Variants in RRP12 observed in about 807,000 individuals in gnomAD.
RRP12 encodes ribosomal RNA processing 12 homolog.
In RRP12, 78 loss-of-function variants were observed where a neutral mutation model predicts 157.3. The observed-to-expected ratio is 0.50, with a 90% confidence interval of 0.41 to 0.60. The LOEUF is 0.60. Ranked by LOEUF, RRP12 falls within the 20% of genes least tolerant of loss-of-function variation. The pLI is 0.00. For synonymous variants in RRP12, 726 were observed against 670.9 expected, an observed-to-expected ratio of 1.08 and a Z score of -1.27; for missense variants, 1,521 against 1,679.9, an observed-to-expected ratio of 0.91 and a Z score of 1.65.
At chr10:97,359,275 C>T (rs1484014385) in intron 31 of RRP12, among the ~76,000 whole-genome samples, 1 of 152,230 alleles carries the variant, frequency 6.6e-6, no homozygotes, top group East Asian at 1.9e-4. Flanking sequence ...ATATTCTCCG[C>T]TAACACACTA....
intron 10 of RRP12, among the ~76,000 whole-genome samples, chr10:97,382,670 A>G (rs1255316759): frequency 1.3e-5 from 2 of 152,100 alleles, no homozygotes; most frequent in African/African-American, 4.8e-5. Flanking sequence ...AGAAACAATC[A>G]CATCATACCT....
In RRP12 at chr10:97,370,238, C is replaced by A; in HGVS notation, c.2726G>T (p.Gly909Val). Residue 909 changes from glycine (G) to valine (V), a missense_variant, in exon 24 of 34, where the codon GGC (glycine) becomes GTC (valine). Transcript: ENST00000370992. ...GACCATGGTCACCGCGCCCACCAGG[C>A]CAGGGTAGATCAGGACGAGGTAGCA... ...LQCYLVLIYP[G>V]LVGAVTMVSC... is the part of the protein sequence containing the mutation. 6.2e-7 allele frequency: 1 copy of A among 1,604,488 alleles called. No individual in the cohort carries two copies. The highest frequency in any genetic ancestry group is 8.5e-7 in the Non-Finnish European group (1 of 1,176,114).
intron 10 of RRP12, 103 bp from the exon 11 acceptor site, chr10:97,381,929 C>T (rs1844479691): frequency 2.6e-6 from 2 of 766,074 alleles, no homozygotes; most frequent in Admixed American, 2.8e-5. Flanking sequence ...CAGTCACAAA[C>T]CCAGTGATCT....
chr10:97,384,160 C>CATGACGG (rs1844548536), intron 10 of RRP12, among the ~76,000 whole-genome samples: 1 of 150,974 alleles, frequency 6.6e-6, no homozygotes, highest in Admixed American at 6.6e-5. Context: ...CCTCAGCAGC[C>CATGACGG]AGGCCAGAGG....
chr10:97,400,292 C>A lies in RRP12; in HGVS notation c.369+13G>T, dbSNP rs754418283. On this transcript the variant is annotated intron_variant, in intron 2 of 33. Coordinates refer to ENST00000370992, the MANE Select transcript of RRP12 (RefSeq NM_015179.4). ...CCTCACTATCCTATGGCCCTCCCGA[C>A]CCTCGCCCCTACCTCCTTGTGGGCA... 5 of 1,607,810 alleles carry A rather than the reference C, an allele frequency of 3.1e-6. No homozygotes were observed. Among genetic ancestry groups the A allele is most frequent in the Non-Finnish European group, 4.3e-6 (5 of 1,174,448 alleles).
At chr10:97,390,968 A>C in intron 4 of RRP12, 124 bp from the exon 5 acceptor site, 1 of 707,472 alleles carries the variant, frequency 1.4e-6, no homozygotes, top group South Asian at 1.5e-5. Flanking sequence ...GAAAGTGAGC[A>C]ACAAAGTCAG....
At chr10:97,369,275 G>T in intron 25 of RRP12, 150 bp downstream of exon 25, 1 of 770,550 alleles carries the variant, frequency 1.3e-6, no homozygotes, top group Non-Finnish European at 2.0e-6. Flanking sequence ...CACCTGACAG[G>T]CATTCCCCTA....
chr10:97,369,073 G>A lies in RRP12; in HGVS notation c.2955+352C>T, dbSNP rs188138992. Among the ~76,000 whole-genome samples the A allele has an allele frequency of 3.8e-3, 582 of 152,190 alleles. 2 individuals carry two copies. The highest frequency in any genetic ancestry group is 7.5e-3 in the Admixed American group (115 of 15,294). On this transcript the variant is annotated intron_variant, in intron 25 of 33. Coordinates refer to ENST00000370992, the MANE Select transcript of RRP12 (RefSeq NM_015179.4). ...GATGGGAAAAAAAAAAAGGCAAGATGAGGGGGTCCTGTGGAGGGAGAGCCC... is the reference window on the plus strand; with the variant it reads ...GATGGGAAAAAAAAAAAGGCAAGATAAGGGGGTCCTGTGGAGGGAGAGCCC...
rs773893510 is a variant in RRP12 at position 97,369,462 on chromosome 10, A to C, written c.2918T>G (p.Met973Arg). Residue 973 changes from methionine (M) to arginine (R), a missense_variant, in exon 25 of 34, where the codon ATG becomes AGG. Transcript: ENST00000370992. ...LGFIKVAVTV[M>R]DVAHLAKHVQ... is the part of the protein sequence containing the mutation. ...ATGTTTGGCCAGGTGCGCCACGTCC[A>C]TGACAGTCACTGCCACCTTGATGAA... The C allele has an allele frequency of 1.0e-4, 166 of 1,612,516 alleles. No homozygotes were observed. The highest frequency in any genetic ancestry group is 1.3e-4 in the Non-Finnish European group (159 of 1,179,416).
chr10:97,356,660 C>T (rs1843721292), downstream of RRP12: 1 of 162,532 alleles, frequency 6.2e-6, no homozygotes, highest in African/African-American at 2.4e-5. Flanking sequence ...TGTTCTTACC[C>T]CTGGAGGGGG....
Position 97,369,463 on chromosome 10 carries a change from T to C in RRP12, c.2917A>G (p.Met973Val), listed in dbSNP as rs1179583585. 1.2e-6 allele frequency: 2 copies of C among 1,612,430 alleles called. No individual in the cohort carries two copies. Among genetic ancestry groups the C allele is most frequent in the Non-Finnish European group, 1.7e-6 (2 of 1,179,328 alleles). ...LGFIKVAVTV[M>V]DVAHLAKHVQ... ...TGTTTGGCCAGGTGCGCCACGTCCA[T>C]GACAGTCACTGCCACCTTGATGAAG... Residue 973 changes from methionine to valine, a missense_variant, in exon 25 of 34, where the codon ATG becomes GTG. Met to Val is a conservative substitution (Grantham distance 21, BLOSUM62 1). Coordinates refer to ENST00000370992, the MANE Select transcript of RRP12 (RefSeq NM_015179.4).
At chr10:97,393,945 T>G (rs185368800) in intron 3 of RRP12, among the ~76,000 whole-genome samples, 185 bp from the exon 4 acceptor site, 7 of 152,348 alleles carry the variant, frequency 4.6e-5, no homozygotes, top group Admixed American at 4.6e-4. Context: ...TGACTCAGTT[T>G]CTTCATTTGT....
intron 20 of RRP12, 23 bp downstream of exon 20, chr10:97,372,050 C>T (rs748629225): frequency 1.8e-5 from 29 of 1,572,892 alleles, no homozygotes; most frequent in African/African-American, 2.7e-5. Context: ...GGCTGTGTGG[C>T]GCTCCTGGCC....
intron 2 of RRP12, among the ~76,000 whole-genome samples, chr10:97,398,011 ATATATATATATG>A (rs1430075603): frequency 2.7e-5 from 2 of 75,028 alleles, no homozygotes; most frequent in Non-Finnish European, 5.6e-5. Context: ...ATATACATAT[ATATATATATATG>A]TATATATATA....
intron 15 of RRP12, among the ~76,000 whole-genome samples, chr10:97,377,469 C>T (rs1449579133): frequency 1.3e-5 from 2 of 152,124 alleles, no homozygotes; most frequent in African/African-American, 4.8e-5. Context: ...GCAGAGGTTG[C>T]AGTGAACTGA....
chr10:97,360,990 C>T (rs1240734996), intron 30 of RRP12, among the ~76,000 whole-genome samples: 1 of 152,190 alleles, frequency 6.6e-6, no homozygotes, highest in African/African-American at 2.4e-5. Flanking sequence ...GAGAGAATAG[C>T]TTTACCAGTT....
rs1424643697 is a variant in RRP12, at chr10:97,396,293, A to G, written c.378T>C (p.Ala126=). The G allele has an allele frequency of 6.2e-7, 1 of 1,613,632 alleles. No homozygotes were observed. The part of the protein sequence containing the change: ...SNSAAHKEIC[A]VLAAVTEVIR... ...TCACCTCAGTGACAGCAGCCAGAAC[A>G]GCACAGATCTGCACAGGAGGGAGAA... Residue 126 remains alanine, a synonymous_variant, in exon 3 of 34, where the codon GCT becomes GCC. Coordinates refer to ENST00000370992, the MANE Select transcript of RRP12 (RefSeq NM_015179.4).
rs1564749534 is a variant in RRP12, at chr10:97,366,124, T to C, written c.3501A>G (p.Glu1167=). 1 of 1,604,302 alleles carries C rather than the reference T, an allele frequency of 6.2e-7. No homozygotes were observed. The highest frequency in any genetic ancestry group is 8.5e-7 in the Non-Finnish European group (1 of 1,179,862). ...REEADGNKME[E]EEGAKGEDEE... is the part of the protein sequence containing the mutation. ...TGGGCCCACCTTTGGCACCTTCCTC[T>C]TCCTCCATCTTGTTGCCGTCTGCCT... The change falls in exon 29 of 34, where the codon GAA becomes GAG. Residue 1167 remains glutamate (E), a synonymous_variant. Coordinates refer to ENST00000370992, the MANE Select transcript of RRP12 (RefSeq NM_015179.4).
chr10:97,364,019 A>C lies in RRP12; in HGVS notation c.3518-116T>G, dbSNP rs1214940594. 4.6e-6 allele frequency: 4 copies of C among 870,534 alleles called. No individual in the cohort carries two copies. In the Admixed American group the frequency reaches 7.2e-5, roughly 16 times the overall value. 53.9% of individuals were successfully genotyped at this position (870,534 alleles called of 1,614,324 possible). A position where few individuals can be genotyped will look rare whatever the true frequency, so the allele number is the denominator to read the frequency against. ...GGGGCCACCAACTCCGGCCCCAGAA[A>C]ATTGCCTTCCTCAGACCAATATCAT... On this transcript the variant is annotated intron_variant, in intron 29 of 33. Coordinates refer to ENST00000370992, the MANE Select transcript of RRP12 (RefSeq NM_015179.4).
Sources: allele counts gnomAD v4.1 joint callset (sites outside exome capture counted in the v4.1 genomes callset), GRCh38; gene constraint gnomAD v4.1.1; transcripts MANE v1.5; gene names NCBI Gene and HGNC (gene_info 2026-07-23, HGNC 2026-07-21).